The following NXPE2 variants were observed in gnomAD, a reference collection of about 807,000 sequenced individuals.
NXPE2 encodes neurexophilin and PC-esterase domain family member 2.
NXPE2 carries 34 observed loss-of-function variants against 34.4 expected under a neutral mutation model. The ratio of observed to expected loss-of-function variants is 0.99; its 90% CI spans 0.75 to 1.31. The LOEUF (loss-of-function observed/expected upper bound fraction) is 1.31. Ranked by LOEUF, NXPE2 falls within the 40% of genes most tolerant of loss-of-function variation. The pLI is 0.00. For synonymous variants in NXPE2, 235 were observed against 231.3 expected (o/e 1.02, Z -0.15); for missense variants, 649 against 672.5 (o/e 0.97, Z 0.39).
At chr11:114,615,274 G>A in the NXPE2 span, among the ~76,000 whole-genome samples, 2 of 151,896 alleles carry the variant, frequency 1.3e-5, no homozygotes, top group African/African-American at 2.4e-5. Flanking sequence ...TTCCTTGTGG[G>A]TATCCACTGT....
At chr11:114,567,027 G>T in the NXPE2 span, among the ~76,000 whole-genome samples, 2 of 152,200 alleles carry the variant, frequency 1.3e-5, no homozygotes, top group African/African-American at 4.8e-5. Flanking sequence ...CTTGGGAGGG[G>T]CATTGCAGAA....
the NXPE2 span, among the ~76,000 whole-genome samples, chr11:114,491,743 A>C: frequency 1.1e-4 from 17 of 152,194 alleles, no homozygotes; most frequent in African/African-American, 4.1e-4. Flanking sequence ...ACAATAGCAA[A>C]GACTTGGAAC....
the NXPE2 span, among the ~76,000 whole-genome samples, chr11:114,623,258 T>A: frequency 1.3e-5 from 2 of 152,064 alleles, no homozygotes; most frequent in Admixed American, 1.3e-4. Flanking sequence ...CGGTGGGTAA[T>A]ACATATTGCC....
intron 2 of NXPE2, among the ~76,000 whole-genome samples, chr11:114,687,714 T>C (rs1451047648): frequency 2.6e-5 from 4 of 152,130 alleles, no homozygotes; most frequent in African/African-American, 4.8e-5. Flanking sequence ...TTAAATGATA[T>C]AGATTCTTCT....
At chr11:114,701,039 C>A (rs1015401601) in intron 3 of NXPE2, among the ~76,000 whole-genome samples, 1 of 152,160 alleles carries the variant, frequency 6.6e-6, no homozygotes, top group African/African-American at 2.4e-5. Context: ...CCTTTCACCC[C>A]TACGTCACCT....
the NXPE2 span, among the ~76,000 whole-genome samples, chr11:114,628,122 G>A: frequency 1.4e-5 from 2 of 146,210 alleles, no homozygotes; most frequent in African/African-American, 5.2e-5. Flanking sequence ...GAGACAGAAA[G>A]TCAACAACGA....
chr11:114,806,810 G>A, the NXPE2 span, among the ~76,000 whole-genome samples: 2 of 149,888 alleles, frequency 1.3e-5, no homozygotes, highest in South Asian at 2.1e-4. Flanking sequence ...AGCAAGGCAG[G>A]CCAACATTCA....
chr11:114,482,453 C>A, the NXPE2 span, among the ~76,000 whole-genome samples: 1 of 152,312 alleles, frequency 6.6e-6, no homozygotes, highest in South Asian at 2.1e-4. Flanking sequence ...GCAATTTCCT[C>A]TTTACAGACA....
At chr11:114,480,142 G>A in the NXPE2 span, among the ~76,000 whole-genome samples, 1 of 152,124 alleles carries the variant, frequency 6.6e-6, no homozygotes, top group Non-Finnish European at 1.5e-5. Context: ...ATGAAATTTG[G>A]AGGGGGACAC....
the NXPE2 span, among the ~76,000 whole-genome samples, chr11:114,588,023 T>G: frequency 1.3e-5 from 2 of 152,194 alleles, no homozygotes; most frequent in Non-Finnish European, 2.9e-5. Context: ...CTTTGCCCTG[T>G]GAGACAACCC....
At chr11:114,472,146 A>C in the NXPE2 span, among the ~76,000 whole-genome samples, 1 of 152,226 alleles carries the variant, frequency 6.6e-6, no homozygotes, top group Non-Finnish European at 1.5e-5. Flanking sequence ...TGCAAATTGC[A>C]AGGAGGCACA....
intron 4 of NXPE2, among the ~76,000 whole-genome samples, chr11:114,705,169 G>A (rs1353839497): frequency 6.6e-6 from 1 of 152,186 alleles, no homozygotes; most frequent in Non-Finnish European, 1.5e-5. Flanking sequence ...TAATAGAGGA[G>A]TGTTCAGAAC....
the NXPE2 span, among the ~76,000 whole-genome samples, chr11:114,580,734 C>A: frequency 6.6e-6 from 1 of 152,096 alleles, no homozygotes; most frequent in Non-Finnish European, 1.5e-5. Flanking sequence ...TTAAATGACA[C>A]CATCAAAATA....
chr11:114,702,980 A>G (rs970601493), intron 3 of NXPE2, among the ~76,000 whole-genome samples: 1 of 152,190 alleles, frequency 6.6e-6, no homozygotes, highest in African/African-American at 2.4e-5. Context: ...GATGGATTTC[A>G]TTCCGATAGA....
At chr11:114,605,115 G>A in the NXPE2 span, among the ~76,000 whole-genome samples, 1 of 151,690 alleles carries the variant, frequency 6.6e-6, no homozygotes, top group South Asian at 2.1e-4. Context: ...GTTACCCTGT[G>A]GAAGATAAGT....
chr11:114,555,795 G>T, the NXPE2 span, among the ~76,000 whole-genome samples: 1 of 152,162 alleles, frequency 6.6e-6, no homozygotes, highest in Non-Finnish European at 1.5e-5. Flanking sequence ...ACTCTTTTGT[G>T]TCTGGCTTCT....
the NXPE2 span, among the ~76,000 whole-genome samples, chr11:114,811,843 T>A: frequency 6.6e-6 from 1 of 152,312 alleles, no homozygotes; most frequent in Admixed American, 6.5e-5. Context: ...ATTACCTCCA[T>A]GACCTTGGGA....
the NXPE2 span, among the ~76,000 whole-genome samples, chr11:114,543,644 A>G: frequency 6.6e-6 from 1 of 152,172 alleles, no homozygotes; most frequent in South Asian, 2.1e-4. Context: ...CTTAATAATG[A>G]GAGATTAAAC....
the NXPE2 span, chr11:114,582,784 A>G: frequency 1.2e-6 from 2 of 1,614,022 alleles, no homozygotes; most frequent in Admixed American, 3.3e-5. Flanking sequence ...TCTCCCCTGC[A>G]GTACGTATCT....
Sources: allele counts gnomAD v4.1 joint callset (sites outside exome capture counted in the v4.1 genomes callset), GRCh38; gene constraint gnomAD v4.1.1; transcripts MANE v1.5; gene names NCBI Gene and HGNC (gene_info 2026-07-23, HGNC 2026-07-21).